TRIM66: variants seen among roughly 807,000 people sequenced by gnomAD.
TRIM66 encodes the protein tripartite motif-containing protein 66.
A neutral mutation model predicts 148.2 loss-of-function variants in TRIM66; 99 were observed. The observed-to-expected ratio is 0.67, with a 90% CI of 0.57 to 0.79. TRIM66 has a LOEUF of 0.79. TRIM66 is among the 30% of genes least tolerant of loss of function. TRIM66 has a pLI of 0.00. For synonymous variants in TRIM66, 616 were observed against 635.9 expected (o/e 0.97, Z 0.47); for missense variants, 1,666 against 1,697.9 (o/e 0.98, Z 0.33).
chr11:8,650,473 G>C (rs2037259649), intron 7 of TRIM66, among the ~76,000 whole-genome samples: 1 of 141,132 alleles, frequency 7.1e-6, no homozygotes. Context: ...AGGAGGAAGG[G>C]AAGGAGGAAG....
At chr11:8,629,894 A>G (rs1029480886) in intron 15 of TRIM66, among the ~76,000 whole-genome samples, 5 of 152,230 alleles carry the variant, frequency 3.3e-5, no homozygotes, top group African/African-American at 1.2e-4. Flanking sequence ...AGGGACTCAG[A>G]GAAAGTGCTG....
In TRIM66 at chr11:8,623,429, C is replaced by A. The variant is rs531930872; in HGVS notation, c.3020-553G>T. ...GGCAAGGTCCTAGGCACTGTACATGCGCAAGCAGGGTCTAAAAAGTTTAAC... is the reference window on the plus strand; with the variant it reads ...GGCAAGGTCCTAGGCACTGTACATGAGCAAGCAGGGTCTAAAAAGTTTAAC... On this transcript the variant is annotated intron_variant, in intron 17 of 24. Transcript: ENST00000646038. Among the ~76,000 whole-genome samples, 28 of 152,250 alleles carry A rather than the reference C, an allele frequency of 1.8e-4. 1 individual carries two copies. The highest frequency in any genetic ancestry group is 5.3e-4 in the African/African-American group (22 of 41,540).
chr11:8,618,873 T>G lies in TRIM66; in HGVS notation c.3996A>C (p.Pro1332=). 1 of 1,551,446 alleles carries G rather than the reference T, an allele frequency of 6.4e-7. No homozygotes were observed. Among genetic ancestry groups the G allele is most frequent in the Non-Finnish European group, 8.7e-7 (1 of 1,146,960 alleles). Residue 1332 remains proline, a synonymous_variant, in exon 24 of 25, where the codon CCA becomes CCC. Coordinates refer to ENST00000646038, the MANE Select transcript of TRIM66 (RefSeq NM_001388022.1). ...EIYPEKRFAQ[P]RQEDSDSEEV... The stretch of plus-strand genomic sequence containing the variant: ...CCTCGGAGTCTGAGTCCTCCTGCCT[T>G]GGCTGGGCAAACCGTTTCTCCGGGT...
chr11:8,658,725 A>T (rs2038044444), intron 6 of TRIM66: 1 of 977,298 alleles, frequency 1.0e-6, no homozygotes, highest in Non-Finnish European at 1.2e-6. Context: ...GATGCCAGGC[A>T]CACACTCTCA....
intron 6 of TRIM66, among the ~76,000 whole-genome samples, chr11:8,669,184 G>A (rs564141861): frequency 1.3e-5 from 2 of 152,318 alleles, no homozygotes; most frequent in Admixed American, 1.3e-4. Flanking sequence ...ACTGCCTTAT[G>A]TTGATGCATT....
intron 13 of TRIM66, among the ~76,000 whole-genome samples, chr11:8,642,499 A>G (rs2036484420): frequency 1.3e-5 from 2 of 152,216 alleles, no homozygotes; most frequent in African/African-American, 2.4e-5. Context: ...AAATGATTGC[A>G]GCAGGGAAGA....
chr11:8,629,349 G>A (rs139548275), intron 15 of TRIM66, among the ~76,000 whole-genome samples: 83 of 152,194 alleles, frequency 5.5e-4, no homozygotes, highest in African/African-American at 1.9e-3. Context: ...TGTTTAGTGT[G>A]GTTTTGGCGC....
intron 6 of TRIM66, among the ~76,000 whole-genome samples, chr11:8,659,615 C>T (rs1367039395): frequency 6.6e-6 from 1 of 152,192 alleles, no homozygotes; most frequent in Non-Finnish European, 1.5e-5. Context: ...ACCAGTGATG[C>T]CCCAATCTGG....
chr11:8,665,805 C>T (rs183123275), intron 6 of TRIM66, among the ~76,000 whole-genome samples: 340 of 151,796 alleles, frequency 2.2e-3, no homozygotes, highest in African/African-American at 7.7e-3. Context: ...AAAAATTAGC[C>T]GGGCGTGGTG....
At chr11:8,620,749 A>T (rs2034129055) in intron 20 of TRIM66, among the ~76,000 whole-genome samples, 177 bp from the exon 21 acceptor site, 1 of 152,262 alleles carries the variant, frequency 6.6e-6, no homozygotes, top group African/African-American at 2.4e-5. Flanking sequence ...GTGAATCTAG[A>T]AAAACAGGGG....
At position 8,613,548 on chromosome 11, in the gene TRIM66, G is replaced by T. The variant is rs1306015780; in HGVS notation, c.*4396C>A. The T allele has an allele frequency of 1.3e-5, 2 of 152,182 alleles. No homozygotes were observed. The highest frequency in any genetic ancestry group is 2.9e-5 in the Non-Finnish European group (2 of 68,058). 9.4% of individuals were successfully genotyped at this position (152,182 alleles called of 1,614,324 possible). ...TGGTTAACAAGGAAAATGTGTAAGG[G>T]GTAACAGACTCTGAGAAATGCTGTT... is the stretch of plus-strand genomic sequence containing the variant. On this transcript the variant is annotated 3_prime_UTR_variant, in exon 25 of 25. Transcript: ENST00000646038.
At chr11:8,624,652 G>A (rs556161752) in intron 16 of TRIM66, 61 bp downstream of exon 16, 6 of 1,475,070 alleles carry the variant, frequency 4.1e-6, no homozygotes, top group African/African-American at 2.8e-5. Flanking sequence ...GGGTCCCAGT[G>A]GCCAATCTTT....
intron 14 of TRIM66, among the ~76,000 whole-genome samples, chr11:8,639,224 G>A (rs895116246): frequency 2.6e-5 from 4 of 152,180 alleles, no homozygotes; most frequent in Admixed American, 1.3e-4. Flanking sequence ...GTACTGAAGC[G>A]TAAATGTGAG....
Position 8,640,530 on chromosome 11 carries a change from G to A in TRIM66, c.1845C>T (p.Pro615=), listed in dbSNP as rs2036278235. The A allele has an allele frequency of 6.5e-7, 1 of 1,533,498 alleles. No homozygotes were observed. 95.0% of individuals were successfully genotyped at this position (1,533,498 alleles called of 1,614,324 possible). A position where few individuals can be genotyped will look rare whatever the true frequency, so the allele number is the denominator to read the frequency against. ...GTGGCTGCTGTGGGGGAGGGGGAAG[G>A]GGAGGTGGGGGATGGGGGAGGGGTG... ...PPPPLPHPPP[P]LPPPPQQPHP... is the part of the protein sequence containing the mutation. The change falls in exon 14 of 25, where the codon CCC becomes CCT. Residue 615 remains proline, a synonymous_variant. Transcript: ENST00000646038.
At chr11:8,670,039 G>C (rs189624214) in intron 6 of TRIM66, among the ~76,000 whole-genome samples, 70 of 142,050 alleles carry the variant, frequency 4.9e-4, no homozygotes, top group African/African-American at 1.7e-3. Flanking sequence ...TTGAGACAGA[G>C]TCTCACTCTG....
At chr11:8,661,491 G>A (rs2038251053) in intron 6 of TRIM66, among the ~76,000 whole-genome samples, 1 of 152,158 alleles carries the variant, frequency 6.6e-6, no homozygotes, top group Non-Finnish European at 1.5e-5. Context: ...CTGATGCACT[G>A]ACACACTCCA....
chr11:8,679,831 G>C lies in TRIM66; in HGVS notation c.-384-17C>G, dbSNP rs2039332874. Reference sequence around the variant, plus strand: ...ACCATAATGCTGTAAGGTCAGAGAGGGACTGGTCACTGAGGTAAAAGCAGG... The same window carrying C: ...ACCATAATGCTGTAAGGTCAGAGAGCGACTGGTCACTGAGGTAAAAGCAGG... On this transcript the variant is annotated splice_polypyrimidine_tract_variant and intron_variant, in intron 2 of 24. Coordinates refer to ENST00000646038, the MANE Select transcript of TRIM66 (RefSeq NM_001388022.1). 2 of 152,528 alleles carry C rather than the reference G, an allele frequency of 1.3e-5. No individual in the cohort carries two copies. Among genetic ancestry groups the C allele is most frequent in the Admixed American group, 6.5e-5 (1 of 15,274 alleles). The allele number at this position is 152,528 out of a possible 1,614,324, so 9.4% of individuals were successfully genotyped here.
intron 14 of TRIM66, among the ~76,000 whole-genome samples, chr11:8,639,961 T>C (rs920492850): frequency 6.6e-6 from 1 of 152,126 alleles, no homozygotes; most frequent in African/African-American, 2.4e-5. Flanking sequence ...GGGTCCCTAC[T>C]GTCATCCAGG....
intron 6 of TRIM66, among the ~76,000 whole-genome samples, chr11:8,657,730 A>T (rs981895011): frequency 6.6e-6 from 1 of 151,984 alleles, no homozygotes; most frequent in South Asian, 2.1e-4. Context: ...TAAGGCCCCC[A>T]CCACACAGCC....
Sources: allele counts gnomAD v4.1 joint callset (sites outside exome capture counted in the v4.1 genomes callset), GRCh38; gene constraint gnomAD v4.1.1; transcripts MANE v1.5; gene names NCBI Gene and HGNC (gene_info 2026-07-23, HGNC 2026-07-21).